MYRIP: variants seen among roughly 807,000 people sequenced by gnomAD.
The protein encoded by MYRIP is myosin VIIA and Rab interacting protein.
In MYRIP, 49 loss-of-function variants were observed where a neutral mutation model predicts 98.0. The observed-to-expected ratio is 0.50, with a 90% CI of 0.40 to 0.63. The LOEUF is 0.63. Ranked by LOEUF, MYRIP falls within the 30% of genes least tolerant of loss-of-function variation. The pLI, the probability that MYRIP is intolerant of heterozygous loss-of-function variation, is 0.00. For synonymous variants in MYRIP, 404 were observed against 409.5 expected, an observed-to-expected ratio of 0.99 and a Z score of 0.16; for missense variants, 1,004 against 1,058.2, an observed-to-expected ratio of 0.95 and a Z score of 0.71.
intron 3 of MYRIP, among the ~76,000 whole-genome samples, chr3:40,146,957 A>G (rs986991923): frequency 6.6e-6 from 1 of 152,180 alleles, no homozygotes; most frequent in Non-Finnish European, 1.5e-5. Flanking sequence ...TTTTATAATA[A>G]TACATGTACT....
chr3:40,159,561 G>T (rs1455856110), intron 4 of MYRIP, among the ~76,000 whole-genome samples: 1 of 151,774 alleles, frequency 6.6e-6, no homozygotes, highest in African/African-American at 2.4e-5. Context: ...GATTGGGGAA[G>T]TTCTCCTGGA....
intron 2 of MYRIP, among the ~76,000 whole-genome samples, chr3:39,996,414 CA>C (rs1197485894): frequency 6.6e-6 from 1 of 152,100 alleles, no homozygotes; most frequent in Non-Finnish European, 1.5e-5. Flanking sequence ...TTTAAACCAA[CA>C]AAGATCAAAG....
At chr3:40,100,464 G>A (rs941888390) in intron 3 of MYRIP, among the ~76,000 whole-genome samples, 6 of 152,166 alleles carry the variant, frequency 3.9e-5, no homozygotes, top group Admixed American at 3.9e-4. Flanking sequence ...TAAAGGAAGA[G>A]CATTTTAAAC....
At chr3:39,911,086 G>A (rs1211354712) in intron 2 of MYRIP, among the ~76,000 whole-genome samples, 2 of 152,324 alleles carry the variant, frequency 1.3e-5, no homozygotes, top group Middle Eastern at 3.4e-3. Flanking sequence ...TCTCAGGACA[G>A]AATGAACCCT....
intron 3 of MYRIP, among the ~76,000 whole-genome samples, chr3:40,063,307 G>A (rs2125850722): frequency 6.6e-6 from 1 of 152,322 alleles, no homozygotes; most frequent in South Asian, 2.1e-4. Flanking sequence ...TTTATGGATA[G>A]TAGGGGAATA....
intron 12 of MYRIP, among the ~76,000 whole-genome samples, chr3:40,241,897 C>G (rs1575672756): frequency 6.6e-6 from 1 of 152,082 alleles, no homozygotes; most frequent in Non-Finnish European, 1.5e-5. Flanking sequence ...AGCATGTTAC[C>G]TTTTGTTATT....
chr3:39,903,415 T>C (rs1943792770), intron 2 of MYRIP, among the ~76,000 whole-genome samples: 1 of 152,202 alleles, frequency 6.6e-6, no homozygotes, highest in Non-Finnish European at 1.5e-5. Context: ...CAGCTGTTCT[T>C]TATTTACCTA....
At chr3:39,873,861 T>C (rs1228988633) in intron 1 of MYRIP, among the ~76,000 whole-genome samples, 1 of 152,200 alleles carries the variant, frequency 6.6e-6, no homozygotes, top group Non-Finnish European at 1.5e-5. Context: ...AGTAGTTTTT[T>C]CTAATTCTGT....
At chr3:40,140,524 G>T (rs1173894242) in intron 3 of MYRIP, among the ~76,000 whole-genome samples, 2 of 152,236 alleles carry the variant, frequency 1.3e-5, no homozygotes, top group East Asian at 1.9e-4. Flanking sequence ...TTGTAGTTTG[G>T]TGAGGGACCT....
intron 3 of MYRIP, among the ~76,000 whole-genome samples, chr3:40,112,881 A>G (rs1258141521): frequency 6.6e-6 from 1 of 152,180 alleles, no homozygotes; most frequent in African/African-American, 2.4e-5. Flanking sequence ...TTTCCTCTGA[A>G]ATCAAGTATT....
intron 2 of MYRIP, among the ~76,000 whole-genome samples, chr3:39,929,350 T>A (rs1221034763): frequency 6.6e-6 from 1 of 151,978 alleles, no homozygotes; most frequent in Admixed American, 6.6e-5. Flanking sequence ...CCTATCAAAA[T>A]CCTAGCAAGA....
chr3:40,029,711 C>T (rs542325546), intron 2 of MYRIP, among the ~76,000 whole-genome samples: 145 of 152,030 alleles, frequency 9.5e-4, no homozygotes, highest in African/African-American at 3.3e-3. Context: ...GGACTTGTAT[C>T]TAGAATATAT....
At position 39,964,831 on chromosome 3, in the gene MYRIP, T is replaced by C. The variant is rs1392901766; in HGVS notation, c.110+63905T>C. 2.6e-5 allele frequency among the ~76,000 whole-genome samples: 4 copies of C among 152,302 alleles called. No individual in the cohort carries two copies. The East Asian group carries it at 7.7e-4, about 29-fold the overall frequency. On this transcript the variant is annotated intron_variant, in intron 2 of 16. Coordinates refer to ENST00000302541, the MANE Select transcript of MYRIP (RefSeq NM_015460.4). ...TTGAAGATGCTTAAAACTTTTCTTA[T>C]AATCTTCATTTAATATGTGTATTCA...
chr3:40,004,988 T>C (rs544917541), intron 2 of MYRIP, among the ~76,000 whole-genome samples: 28 of 152,304 alleles, frequency 1.8e-4, no homozygotes, highest in Non-Finnish European at 3.1e-4. Context: ...ATGTCCATAC[T>C]TAATATTTAG....
At chr3:40,162,926 C>A in intron 5 of MYRIP, 116 bp downstream of exon 5, 1 of 890,992 alleles carries the variant, frequency 1.1e-6, no homozygotes, top group Non-Finnish European at 1.8e-6. Context: ...CAACTATCTA[C>A]TACTGTGTGT....
chr3:39,891,014 A>T (rs756977919), intron 1 of MYRIP, among the ~76,000 whole-genome samples: 4 of 152,130 alleles, frequency 2.6e-5, no homozygotes, highest in Non-Finnish European at 5.9e-5. Context: ...CTTCTGTTTT[A>T]GATAACTTTC....
chr3:40,128,375 A>G (rs1949564555), intron 3 of MYRIP, among the ~76,000 whole-genome samples: 1 of 152,228 alleles, frequency 6.6e-6, no homozygotes, highest in South Asian at 2.1e-4. Context: ...TCTGGACAAC[A>G]TAGTTGCACG....
intron 2 of MYRIP, among the ~76,000 whole-genome samples, chr3:39,982,839 T>C (rs916273641): frequency 1.3e-5 from 2 of 152,274 alleles, no homozygotes; most frequent in South Asian, 4.2e-4. Flanking sequence ...TCGTGGTACA[T>C]TGTCAAAAAA....
chr3:40,018,827 G>A (rs1296767962), intron 2 of MYRIP, among the ~76,000 whole-genome samples: 1 of 152,128 alleles, frequency 6.6e-6, no homozygotes, highest in Non-Finnish European at 1.5e-5. Flanking sequence ...AAATAAGCAT[G>A]AGAAAAATAC....
Sources: gnomAD v4.1 joint callset for allele counts (sites outside exome capture counted in the v4.1 genomes callset) on GRCh38, gnomAD v4.1.1 for gene constraint, MANE v1.5 for transcripts, NCBI Gene and HGNC (gene_info 2026-07-23, HGNC 2026-07-21) for gene names.